The following ETS1 variants were observed in gnomAD, a reference collection of about 807,000 sequenced individuals.
ETS1 encodes protein C-ets-1.
In ETS1, 15 loss-of-function variants were observed where a neutral mutation model predicts 58.6. That is an observed-to-expected ratio of 0.26 (90% CI 0.17 to 0.39). The LOEUF is 0.39. Ranked by LOEUF, ETS1 falls within the 10% of genes least tolerant of loss-of-function variation. ETS1 has a pLI of 1.00. For missense variants in ETS1, 417 were observed against 610.5 expected, an observed-to-expected ratio of 0.68 and a Z score of 3.34; for synonymous variants, 214 against 218.2, an observed-to-expected ratio of 0.98 and a Z score of 0.17.
chr11:128,462,484 G>T lies in ETS1; in HGVS notation c.1335C>A (p.Ile445=), dbSNP rs1565362474. Residue 445 remains isoleucine (I), a synonymous_variant, in exon 10 of 10, where the codon ATC becomes ATA. Coordinates refer to ENST00000392668, the MANE Select transcript of ETS1 (RefSeq NM_001143820.2). ...RGLRYYYDKN[I]IHKTAGKRYV... is the part of the protein sequence containing the mutation. ...AGCGTTTCCCCGCTGTCTTGTGGATGATGTTTTTGTCGTAATAGTAGCGTA... is the reference window on the plus strand; with the variant it reads ...AGCGTTTCCCCGCTGTCTTGTGGATTATGTTTTTGTCGTAATAGTAGCGTA... 6.2e-7 allele frequency: 1 copy of T among 1,614,148 alleles called. No homozygotes were observed. The highest frequency in any genetic ancestry group is 8.5e-7 in the Non-Finnish European group (1 of 1,180,006).
At position 128,549,554 on chromosome 11, in the gene ETS1, T is replaced by C. The variant is rs1864196335; in HGVS notation, c.214+6737A>G. Reference sequence around the variant, plus strand: ...TTTTCTCTCCGCAGCCCCCTGGGAGTCCCAGCGCAATGCTGTTACTTCCTA... The same window carrying C: ...TTTTCTCTCCGCAGCCCCCTGGGAGCCCCAGCGCAATGCTGTTACTTCCTA... On this transcript the variant is annotated intron_variant, in intron 3 of 9. Coordinates refer to ENST00000392668, the MANE Select transcript of ETS1 (RefSeq NM_001143820.2). This position sits in a 1 kb window ranked among gnomAD's most constrained non-coding sequence, Gnocchi z 4.3. Among the ~76,000 whole-genome samples the C allele has an allele frequency of 6.6e-6, 1 of 152,020 alleles. No homozygotes were observed. Among genetic ancestry groups the C allele is most frequent in the South Asian group, 2.1e-4 (1 of 4,824 alleles).
chr11:128,533,052 C>G (rs1406528051), intron 3 of ETS1, among the ~76,000 whole-genome samples: 2 of 152,204 alleles, frequency 1.3e-5, no homozygotes, highest in Non-Finnish European at 2.9e-5. Flanking sequence ...AGCCCCGCTC[C>G]CATCGCCAAT....
intron 3 of ETS1, among the ~76,000 whole-genome samples, chr11:128,552,856 G>A (rs1288334235): frequency 6.6e-6 from 1 of 152,174 alleles, no homozygotes; most frequent in Non-Finnish European, 1.5e-5. Context: ...ACAGGACTGT[G>A]GGTAGGAACC....
chr11:128,487,783 G>A (rs1297089017), intron 5 of ETS1, among the ~76,000 whole-genome samples: 2 of 152,010 alleles, frequency 1.3e-5, no homozygotes, highest in Non-Finnish European at 2.9e-5. Context: ...ACTGAAAGTT[G>A]AAATAAAATG....
Position 128,464,206 on chromosome 11 carries a change from C to T in ETS1, c.1124-579G>A, listed in dbSNP as rs1861973584. Among the ~76,000 whole-genome samples the T allele has an allele frequency of 6.6e-6, 1 of 151,228 alleles. No individual in the cohort carries two copies. The highest frequency in any genetic ancestry group is 1.5e-5 in the Non-Finnish European group (1 of 67,936). On this transcript the variant is annotated intron_variant, in intron 8 of 9. Transcript: ENST00000392668. This position sits in a 1 kb window ranked among gnomAD's most constrained non-coding sequence, Gnocchi z 4.1. ...TTCTCTCCACTGCCACCACCCTGCC[C>T]TTCCAGTCCACTTACAGGAAAGCAC...
chr11:128,526,843 A>G (rs7117118), intron 3 of ETS1: 88,652 of 448,538 alleles, frequency 0.2, 9,868 homozygotes, highest in South Asian at 0.25. Flanking sequence ...TTAGAGCTCA[A>G]TGGGAGTTTA....
intron 2 of ETS1, among the ~76,000 whole-genome samples, chr11:128,562,057 C>T (rs1864413038): frequency 6.6e-6 from 1 of 152,144 alleles, no homozygotes; most frequent in South Asian, 2.1e-4. Context: ...ATCATGGAAG[C>T]CAAGAGCAGA....
At chr11:128,522,424 C>A (rs1000325576) in intron 3 of ETS1, 4 of 883,540 alleles carry the variant, frequency 4.5e-6, no homozygotes, top group African/African-American at 1.8e-5. Flanking sequence ...GGGCGATGTC[C>A]GCTTGGGGGA....
At position 128,576,336 on chromosome 11, in the gene ETS1, GT is replaced by G. The variant is rs1008558668; in HGVS notation, c.-14-3193del. 4.7e-4 allele frequency among the ~76,000 whole-genome samples: 72 copies of G among 152,284 alleles called. No individual in the cohort carries two copies. The Middle Eastern group carries it at 0.017, about 36-fold the overall frequency. On this transcript the variant is annotated intron_variant, in intron 1 of 9. Coordinates refer to ENST00000392668, the MANE Select transcript of ETS1 (RefSeq NM_001143820.2). ...AAGAAGTAAATGAAGTGTTTAGGTA[GT>G]TTTTTTAGTAGCGTTTGTTTTTTCT...
At chr11:128,530,841 T>C (rs1863885810) in intron 3 of ETS1, among the ~76,000 whole-genome samples, 1 of 152,202 alleles carries the variant, frequency 6.6e-6, no homozygotes. Context: ...TTCAGGGGAT[T>C]CCACAGCATT....
At chr11:128,550,666 C>T (rs184249205) in intron 3 of ETS1, among the ~76,000 whole-genome samples, 1 of 152,340 alleles carries the variant, frequency 6.6e-6, no homozygotes, top group East Asian at 1.9e-4. Context: ...CAACCTCGGC[C>T]TTCTGTGAAA....
intron 3 of ETS1, among the ~76,000 whole-genome samples, chr11:128,516,460 G>T (rs187598457): frequency 3.3e-5 from 5 of 152,164 alleles, no homozygotes; most frequent in African/African-American, 7.2e-5. Flanking sequence ...ATAAAAACAC[G>T]GAGATGATGT....
chr11:128,538,415 G>C (rs1207655779), intron 3 of ETS1, among the ~76,000 whole-genome samples: 1 of 152,146 alleles, frequency 6.6e-6, no homozygotes, highest in Non-Finnish European at 1.5e-5. Context: ...CATAGTGGCT[G>C]CTTTATGTTG....
intron 3 of ETS1, among the ~76,000 whole-genome samples, chr11:128,497,759 A>C (rs183367391): frequency 3.3e-5 from 5 of 152,290 alleles, no homozygotes; most frequent in Admixed American, 1.3e-4. Flanking sequence ...CACTGGATTT[A>C]TTTCTTTCCT....
At chr11:128,496,408 C>T (rs575105545) in intron 3 of ETS1, among the ~76,000 whole-genome samples, 1 of 151,922 alleles carries the variant, frequency 6.6e-6, no homozygotes, top group Non-Finnish European at 1.5e-5. Flanking sequence ...CTAAAGTGTA[C>T]AAAACAAATA....
intron 3 of ETS1, among the ~76,000 whole-genome samples, chr11:128,550,352 T>C (rs1565406278): frequency 6.6e-6 from 1 of 152,178 alleles, no homozygotes; most frequent in Non-Finnish European, 1.5e-5. Context: ...AAAGAGGCCA[T>C]GTAGGAAGCA....
In ETS1 at chr11:128,540,485, T is replaced by TA. The variant is rs200189321; in HGVS notation, c.214+15805dup. Among the ~76,000 whole-genome samples the TA allele has an allele frequency of 1.0e-4, 15 of 148,828 alleles. No homozygotes were observed. In the South Asian group the frequency reaches 1.1e-3, roughly 11 times the overall value. On this transcript the variant is annotated intron_variant, in intron 3 of 9. Coordinates refer to ENST00000392668, the MANE Select transcript of ETS1 (RefSeq NM_001143820.2). ...ATAAAGCTCACCTCAATAAACCGTT[T>TA]AAAAAAAAAAGTTGGTTTTCTGGAG... is the stretch of plus-strand genomic sequence containing the variant.
At chr11:128,534,265 A>C (rs1863940670) in intron 3 of ETS1, among the ~76,000 whole-genome samples, 1 of 152,140 alleles carries the variant, frequency 6.6e-6, no homozygotes, top group East Asian at 1.9e-4. Flanking sequence ...TTTCCTTCCA[A>C]GTGTTTTTAG....
chr11:128,531,720 T>C (rs1863900387), intron 3 of ETS1, among the ~76,000 whole-genome samples: 1 of 152,238 alleles, frequency 6.6e-6, no homozygotes, highest in Non-Finnish European at 1.5e-5. Context: ...CTTGAATTTC[T>C]TCCAGTATTG....
Sources: allele counts gnomAD v4.1 joint callset (sites outside exome capture counted in the v4.1 genomes callset), GRCh38; gene constraint gnomAD v4.1.1; non-coding constraint Gnocchi (gnomAD v3.1); transcripts MANE v1.5; gene names NCBI Gene and HGNC (gene_info 2026-07-23, HGNC 2026-07-21).